The following SLC2A13 variants were observed in gnomAD, a reference collection of about 807,000 sequenced individuals.
SLC2A13 encodes the protein solute carrier family 2 member 13.
Under a neutral mutation model 64.4 loss-of-function variants are expected in SLC2A13, and 32 were observed. The observed-to-expected ratio is 0.50, with a 90% CI of 0.37 to 0.67. The LOEUF (loss-of-function observed/expected upper bound fraction) is 0.67, where lower values mean the gene tolerates loss of function less well. SLC2A13 is among the 30% of genes least tolerant of loss of function. SLC2A13 has a pLI of 0.00. For synonymous variants in SLC2A13, 338 were observed against 327.1 expected (o/e 1.03, Z -0.36); for missense variants, 743 against 829.2 (o/e 0.90, Z 1.28).
rs1224753062 is a variant in SLC2A13 at position 39,979,738 on chromosome 12, G to GA, written c.926-28374dup. 4.0e-3 allele frequency among the ~76,000 whole-genome samples: 408 copies of GA among 101,196 alleles called. 3 individuals carry two copies. Among genetic ancestry groups the GA allele is most frequent in the African/African-American group, 0.016 (393 of 25,284 alleles). The allele number at this position is 101,196 out of a possible 152,430, so 66.4% of individuals were successfully genotyped here. A position where few individuals can be genotyped will look rare whatever the true frequency, so the allele number is the denominator to read the frequency against. Reference sequence around the variant, plus strand: ...TGATGCGGAGAATGGAACCAAGTTGGAAAACACTCTGCAGGATATTATCCA... The same window carrying GA: ...TGATGCGGAGAATGGAACCAAGTTGGAAAAACACTCTGCAGGATATTATCCA... On this transcript the variant is annotated intron_variant, in intron 3 of 9. Coordinates refer to ENST00000280871, the MANE Select transcript of SLC2A13 (RefSeq NM_052885.4).
chr12:39,775,566 T>C (rs920314681), intron 7 of SLC2A13, among the ~76,000 whole-genome samples: 2 of 152,214 alleles, frequency 1.3e-5, no homozygotes, highest in Non-Finnish European at 2.9e-5. Context: ...GAAAATACTT[T>C]GAAGTTCTTT....
intron 7 of SLC2A13, among the ~76,000 whole-genome samples, chr12:39,776,890 AC>A (rs1213884879): frequency 6.6e-6 from 1 of 152,128 alleles, no homozygotes; most frequent in African/African-American, 2.4e-5. Flanking sequence ...AATTAATAAA[AC>A]CCCACAGGTT....
At chr12:39,835,343 T>C (rs1288195028) in intron 6 of SLC2A13, among the ~76,000 whole-genome samples, 3 of 152,088 alleles carry the variant, frequency 2.0e-5, no homozygotes, top group Admixed American at 6.6e-5. Context: ...ACCTTAACAG[T>C]GTAAAAACCT....
At chr12:39,833,589 C>A (rs1017582044) in intron 6 of SLC2A13, among the ~76,000 whole-genome samples, 9 of 152,052 alleles carry the variant, frequency 5.9e-5, no homozygotes, top group African/African-American at 2.2e-4. Flanking sequence ...CACTTTTCAA[C>A]CTCTAGACTA....
intron 3 of SLC2A13, among the ~76,000 whole-genome samples, chr12:40,002,802 G>A (rs1947342409): frequency 6.6e-6 from 1 of 152,034 alleles, no homozygotes; most frequent in African/African-American, 2.4e-5. Context: ...TAGCATGTAT[G>A]GGGCTCTGAT....
intron 4 of SLC2A13, among the ~76,000 whole-genome samples, chr12:39,923,696 G>GCACACACACACA (rs368849811): frequency 6.8e-5 from 10 of 146,992 alleles, no homozygotes; most frequent in Non-Finnish European, 9.0e-5. Flanking sequence ...ATGCGCACGC[G>GCACACACACACA]CACACACACA....
chr12:39,978,873 CACAG>C (rs1397492187), intron 3 of SLC2A13, among the ~76,000 whole-genome samples: 119 of 151,086 alleles, frequency 7.9e-4, no homozygotes, highest in African/African-American at 2.7e-3. Context: ...GGGGGCAGGG[CACAG>C]ACAAACAAAA....
chr12:39,916,353 A>G (rs926457353), intron 4 of SLC2A13, among the ~76,000 whole-genome samples: 1 of 152,020 alleles, frequency 6.6e-6, no homozygotes, highest in Non-Finnish European at 1.5e-5. Flanking sequence ...TTCCCTTTAA[A>G]AACATAAAAA....
At chr12:39,878,273 C>T (rs763191327) in intron 4 of SLC2A13, among the ~76,000 whole-genome samples, 2 of 152,098 alleles carry the variant, frequency 1.3e-5, no homozygotes, top group East Asian at 1.9e-4. Context: ...GTGGAAGTGA[C>T]GTTGGCACTG....
chr12:39,976,603 G>T (rs1946764186), intron 3 of SLC2A13, among the ~76,000 whole-genome samples: 1 of 150,470 alleles, frequency 6.6e-6, no homozygotes, highest in South Asian at 2.1e-4. Flanking sequence ...TCACTATGTT[G>T]CTCAGGTTGG....
chr12:39,843,873 T>A (rs994852273), intron 6 of SLC2A13, among the ~76,000 whole-genome samples: 3 of 152,076 alleles, frequency 2.0e-5, no homozygotes, highest in Non-Finnish European at 4.4e-5. Context: ...TTCTATATCA[T>A]CCTGGTTCTG....
chr12:39,809,273 T>C (rs546792222), intron 7 of SLC2A13, among the ~76,000 whole-genome samples: 3 of 152,228 alleles, frequency 2.0e-5, no homozygotes, highest in East Asian at 1.9e-4. Context: ...TTGATGTTTA[T>C]GTCTATTTTA....
intron 7 of SLC2A13, among the ~76,000 whole-genome samples, chr12:39,802,786 T>C (rs995166212): frequency 2.0e-5 from 3 of 152,214 alleles, no homozygotes; most frequent in Non-Finnish European, 4.4e-5. Flanking sequence ...GATATGGATA[T>C]GTAACTATAT....
At chr12:40,064,771 A>G (rs1937659443) in intron 1 of SLC2A13, among the ~76,000 whole-genome samples, 1 of 152,212 alleles carries the variant, frequency 6.6e-6, no homozygotes, top group African/African-American at 2.4e-5. Flanking sequence ...GAGAAGCAAC[A>G]GCAAAAATCA....
chr12:39,759,820 G>C lies in SLC2A13; in HGVS notation c.*206C>G, dbSNP rs1940069429. 2 of 532,338 alleles carry C rather than the reference G, an allele frequency of 3.8e-6. No homozygotes were observed. The highest frequency in any genetic ancestry group is 3.3e-6 in the Non-Finnish European group (1 of 302,380). The allele number at this position is 532,338 out of a possible 1,614,324, so 33.0% of individuals were successfully genotyped here. On this transcript the variant is annotated 3_prime_UTR_variant, in exon 10 of 10. Coordinates refer to ENST00000280871, the MANE Select transcript of SLC2A13 (RefSeq NM_052885.4). ...TAAGAATTATTAGATTAAAATCTCT[G>C]TAAATATTTTTTAAAATATTGTTCC...
chr12:40,035,703 C>T (rs1021973837), intron 2 of SLC2A13, among the ~76,000 whole-genome samples: 1 of 152,082 alleles, frequency 6.6e-6, no homozygotes, highest in Non-Finnish European at 1.5e-5. Context: ...ACAAACAAAC[C>T]CTAATTGCCA....
At position 39,896,343 on chromosome 12, in the gene SLC2A13, T is replaced by C. The variant is rs967293547; in HGVS notation, c.1035-24382A>G. ...ATGTATATGTGTATATATGTATACA[T>C]ATATGTATGTATATGTGTATATATG... On this transcript the variant is annotated intron_variant, in intron 4 of 9. Transcript: ENST00000280871. Among the ~76,000 whole-genome samples, 7 of 136,314 alleles carry C rather than the reference T, an allele frequency of 5.1e-5. No homozygotes were observed. The East Asian group carries it at 1.7e-3, about 33-fold the overall frequency. 89.4% of individuals were successfully genotyped at this position (136,314 alleles called of 152,430 possible).
chr12:40,070,542 T>C (rs1024725753), intron 1 of SLC2A13, among the ~76,000 whole-genome samples: 1 of 152,048 alleles, frequency 6.6e-6, no homozygotes, highest in African/African-American at 2.4e-5. Context: ...ATGGAAATAA[T>C]CAGCTCTATC....
chr12:39,772,745 T>A (rs7973782), intron 7 of SLC2A13, among the ~76,000 whole-genome samples: 148,126 of 152,330 alleles, frequency 0.97, 72,019 homozygotes, highest in East Asian at 1. Flanking sequence ...TCACAGTTCC[T>A]AGGGTGATCT....
Sources: allele counts gnomAD v4.1 joint callset (sites outside exome capture counted in the v4.1 genomes callset), GRCh38; gene constraint gnomAD v4.1.1; transcripts MANE v1.5; gene names NCBI Gene and HGNC (gene_info 2026-07-23, HGNC 2026-07-21).